The following PDCL2 variants were observed in gnomAD, a reference collection of about 807,000 sequenced individuals.
PDCL2 encodes phosducin like 2, also known as phosducin-like protein 2.
A neutral mutation model predicts 30.3 loss-of-function variants in PDCL2; 23 were observed. The observed-to-expected ratio is 0.76, with a 90% CI of 0.55 to 1.08. PDCL2 has a LOEUF of 1.08. Ranked by LOEUF, PDCL2 falls within the 50% of genes least tolerant of loss-of-function variation. PDCL2 has a pLI of 0.00. For synonymous variants in PDCL2, 68 were observed against 86.2 expected, an observed-to-expected ratio of 0.79 and a Z score of 1.17; for missense variants, 243 against 282.3, an observed-to-expected ratio of 0.86 and a Z score of 1.00.
At position 55,562,482 on chromosome 4, in the gene PDCL2, A is replaced by C; in HGVS notation, c.493T>G (p.Phe165Val). The C allele has an allele frequency of 6.4e-7, 1 of 1,559,486 alleles. No individual in the cohort carries two copies. The highest frequency in any genetic ancestry group is 1.2e-5 in the South Asian group (1 of 81,636). Residue 165 changes from phenylalanine (F) to valine (V), a missense_variant, in exon 5 of 6, where the codon TTT becomes GTT. Coordinates refer to ENST00000295645, the MANE Select transcript of PDCL2 (RefSeq NM_152401.3). ...HYHDNCLPTI[F>V]VYKNGQIEAK... is the part of the protein sequence containing the mutation. ...TCTATCTGACCATTTTTATACACAA[A>C]AATTGTTGGTAAACAATTGTCATGG...
At chr4:55,586,201 A>C (rs1732862003) in intron 1 of PDCL2, among the ~76,000 whole-genome samples, 1 of 151,716 alleles carries the variant, frequency 6.6e-6, no homozygotes, top group Admixed American at 6.6e-5. Flanking sequence ...TTCTCTTCTA[A>C]TTTCTTCTTT....
intron 3 of PDCL2, among the ~76,000 whole-genome samples, chr4:55,579,593 A>T (rs1430037065): frequency 1.3e-5 from 2 of 152,226 alleles, no homozygotes; most frequent in African/African-American, 2.4e-5. Context: ...CTGGAATTAC[A>T]GGTGTGGGTC....
rs1560504530 is a variant in PDCL2, at chr4:55,582,119, A to G, written c.125T>C (p.Met42Thr). 1.9e-6 allele frequency: 3 copies of G among 1,612,674 alleles called. No individual in the cohort carries two copies. Among genetic ancestry groups the G allele is most frequent in the African/African-American group, 1.3e-5 (1 of 75,000 alleles). Residue 42 changes from methionine to threonine, a missense_variant and splice_region_variant, in exon 2 of 6, where the codon ATG becomes ACG. By Grantham distance (81) the Met-to-Thr change is moderately conservative (BLOSUM62 -1). Coordinates refer to ENST00000295645, the MANE Select transcript of PDCL2 (RefSeq NM_152401.3). ...EMVLRLQKEA[M>T]VKPFEKMTLA... ...GCCCACCAAATCTACGACCATACCC[A>G]TTGCTTCTTTCTGTAAACGTAAAAC...
intron 3 of PDCL2, 51 bp downstream of exon 3, chr4:55,580,770 T>C (rs1649594603): frequency 7.6e-7 from 1 of 1,318,392 alleles, no homozygotes; most frequent in South Asian, 1.5e-5. Flanking sequence ...AGTTTTATTC[T>C]TATTATACTT....
chr4:55,571,744 C>A (rs1304495019), intron 3 of PDCL2, among the ~76,000 whole-genome samples: 1 of 147,940 alleles, frequency 6.8e-6, no homozygotes, highest in Non-Finnish European at 1.5e-5. Context: ...CAAGTAAAAT[C>A]TCTTACTTTA....
At chr4:55,574,430 A>T (rs1227946867) in intron 3 of PDCL2, among the ~76,000 whole-genome samples, 1 of 152,132 alleles carries the variant, frequency 6.6e-6, no homozygotes. Flanking sequence ...TCAATGACTC[A>T]CCCCTAAAAT....
At chr4:55,574,340 C>T (rs1732506522) in intron 3 of PDCL2, among the ~76,000 whole-genome samples, 1 of 152,112 alleles carries the variant, frequency 6.6e-6, no homozygotes, top group Non-Finnish European at 1.5e-5. Flanking sequence ...ACTACATTTG[C>T]CAGCTTGCCC....
At position 55,578,371 on chromosome 4, in the gene PDCL2, G is replaced by A. The variant is rs116647884; in HGVS notation, c.218+2450C>T. 8.1e-3 allele frequency among the ~76,000 whole-genome samples: 1,235 copies of A among 152,254 alleles called. 13 individuals carry two copies. Among genetic ancestry groups the A allele is most frequent in the African/African-American group, 0.028 (1,145 of 41,542 alleles). ...TGTCAGCTGCCTGTCATGGAGCTAG[G>A]GGTTGAGCATGAACAGCTGCTACTG... On this transcript the variant is annotated intron_variant, in intron 3 of 5. Transcript: ENST00000295645.
intron 1 of PDCL2, among the ~76,000 whole-genome samples, chr4:55,583,276 T>G (rs1255043373): frequency 6.6e-6 from 1 of 152,226 alleles, no homozygotes; most frequent in Middle Eastern, 3.2e-3. Flanking sequence ...GTTGTTTTCT[T>G]ACTACTGTTA....
At chr4:55,562,672 G>A (rs1015928174) in intron 4 of PDCL2, 60 bp from the exon 5 acceptor site, 3 of 1,172,962 alleles carry the variant, frequency 2.6e-6, no homozygotes, top group Non-Finnish European at 3.5e-6. Context: ...TCAGTCTAAT[G>A]AAATAAGTAA....
At chr4:55,556,780 CAA>C (rs1433891553) in intron 5 of PDCL2, 69 bp from the exon 6 acceptor site, 3 of 1,208,966 alleles carry the variant, frequency 2.5e-6, no homozygotes, top group Admixed American at 6.3e-5. Context: ...CTATATGAAA[CAA>C]GAGTTGACTC....
At chr4:55,558,431 TGAA>T (rs1392699608) in intron 5 of PDCL2, among the ~76,000 whole-genome samples, 1 of 152,198 alleles carries the variant, frequency 6.6e-6, no homozygotes, top group African/African-American at 2.4e-5. Context: ...TGCTGCCATG[TGAA>T]GAAGAACACG....
chr4:55,569,917 T>C, intron 3 of PDCL2, 56 bp from the exon 4 acceptor site: 3 of 1,260,938 alleles, frequency 2.4e-6, no homozygotes, highest in Non-Finnish European at 3.2e-6. Context: ...CTTAAGGTCA[T>C]TCTCATATGT....
rs1456452163 is a variant in PDCL2 at position 55,592,113 on chromosome 4, G to A, written c.-4C>T. 2 of 1,609,428 alleles carry A rather than the reference G, an allele frequency of 1.2e-6. No individual in the cohort carries two copies. The highest frequency in any genetic ancestry group is 2.2e-5 in the East Asian group (1 of 44,588). On this transcript the variant is annotated 5_prime_UTR_variant, in exon 1 of 6. Coordinates refer to ENST00000295645, the MANE Select transcript of PDCL2 (RefSeq NM_152401.3). Reference sequence around the variant, plus strand: ...AGGTCCCGACCCTCACCTGCATGATGCGCTGCTCTGCCCCTCAAGAGCCCG... The same window carrying A: ...AGGTCCCGACCCTCACCTGCATGATACGCTGCTCTGCCCCTCAAGAGCCCG...
intron 3 of PDCL2, among the ~76,000 whole-genome samples, chr4:55,579,660 A>G (rs1404857051): frequency 6.6e-6 from 1 of 152,158 alleles, no homozygotes; most frequent in Non-Finnish European, 1.5e-5. Flanking sequence ...CTCCTGGAGT[A>G]TGGCTGTTGT....
intron 3 of PDCL2, among the ~76,000 whole-genome samples, chr4:55,574,732 G>A (rs1432004031): frequency 6.6e-6 from 1 of 152,072 alleles, no homozygotes; most frequent in Non-Finnish European, 1.5e-5. Context: ...TTTTTGTACT[G>A]GTTTCTTTCC....
chr4:55,590,553 C>T (rs1382989003), intron 1 of PDCL2, among the ~76,000 whole-genome samples: 1 of 151,762 alleles, frequency 6.6e-6, no homozygotes, highest in East Asian at 1.9e-4. Flanking sequence ...GTGGTGCACT[C>T]TCAGCTCACT....
At chr4:55,589,006 T>C (rs1003540267) in intron 1 of PDCL2, among the ~76,000 whole-genome samples, 1 of 152,010 alleles carries the variant, frequency 6.6e-6, no homozygotes, top group African/African-American at 2.4e-5. Flanking sequence ...CACAGGCGCC[T>C]GCCACCAAAC....
chr4:55,579,647 T>C (rs539435433), intron 3 of PDCL2, among the ~76,000 whole-genome samples: 2 of 152,318 alleles, frequency 1.3e-5, no homozygotes, highest in South Asian at 2.1e-4. Context: ...TATGTGCTCA[T>C]TGCTCCTGGA....
Sources: allele counts gnomAD v4.1 joint callset (sites outside exome capture counted in the v4.1 genomes callset), GRCh38; gene constraint gnomAD v4.1.1; transcripts MANE v1.5; gene names NCBI Gene and HGNC (gene_info 2026-07-23, HGNC 2026-07-21).